Variants in DNAJC3 observed in about 807,000 individuals in gnomAD.
The protein encoded by DNAJC3 is DnaJ heat shock protein family (Hsp40) member C3.
Under a neutral mutation model 68.6 loss-of-function variants are expected in DNAJC3, and 38 were observed. The ratio of observed to expected loss-of-function variants is 0.55; its 90% CI spans 0.43 to 0.73. DNAJC3 has a LOEUF of 0.73. Ranked by LOEUF, DNAJC3 falls within the 30% of genes least tolerant of loss-of-function variation. DNAJC3 has a pLI of 0.00. For synonymous variants in DNAJC3, 203 were observed against 204.0 expected, an observed-to-expected ratio of 1.00 and a Z score of 0.04; for missense variants, 526 against 591.9, an observed-to-expected ratio of 0.89 and a Z score of 1.16.
At chr13:95,696,152 C>T (rs1421859755) in intron 1 of DNAJC3, among the ~76,000 whole-genome samples, 1 of 152,204 alleles carries the variant, frequency 6.6e-6, no homozygotes, top group African/African-American at 2.4e-5. Context: ...TGAATATCGA[C>T]CAGTACTGGA....
chr13:95,760,846 G>C (rs866571162), intron 7 of DNAJC3, 48 bp downstream of exon 7: 2 of 1,588,156 alleles, frequency 1.3e-6, no homozygotes, highest in African/African-American at 2.7e-5. Context: ...TATGTGCGGG[G>C]CTGTGGGCAC....
At chr13:95,768,932 G>A (rs1231896339) in intron 9 of DNAJC3, among the ~76,000 whole-genome samples, 1 of 152,032 alleles carries the variant, frequency 6.6e-6, no homozygotes. Flanking sequence ...CCGAGATCAC[G>A]CCATTGCATT....
At chr13:95,698,496 G>A (rs1880506915) in intron 1 of DNAJC3, among the ~76,000 whole-genome samples, 1 of 152,224 alleles carries the variant, frequency 6.6e-6, no homozygotes, top group Non-Finnish European at 1.5e-5. Flanking sequence ...GGTCTCTGCT[G>A]CATGTTAGGG....
At chr13:95,755,756 C>CAAAAAAAAAAAA (rs56659621) in intron 4 of DNAJC3, among the ~76,000 whole-genome samples, 1 of 15,082 alleles carries the variant, frequency 6.6e-5, no homozygotes, top group Non-Finnish European at 1.6e-4. Context: ...GACGCCGTCT[C>CAAAAAAAAAAAA]AAAAAAAAAA....
intron 2 of DNAJC3, among the ~76,000 whole-genome samples, chr13:95,722,887 G>T (rs1228773897): frequency 2.2e-5 from 3 of 135,840 alleles, no homozygotes; most frequent in Non-Finnish European, 4.6e-5. Flanking sequence ...TAGACCAGGG[G>T]TTTGCGAACT....
intron 9 of DNAJC3, among the ~76,000 whole-genome samples, chr13:95,784,207 T>G (rs775579660): frequency 6.6e-5 from 10 of 152,226 alleles, no homozygotes; most frequent in Non-Finnish European, 1.5e-4. Flanking sequence ...AATCTATTAT[T>G]GGAATTATCT....
intron 1 of DNAJC3, among the ~76,000 whole-genome samples, chr13:95,682,092 TA>T (rs1879929754): frequency 6.6e-6 from 1 of 152,112 alleles, no homozygotes; most frequent in South Asian, 2.1e-4. Context: ...GAGTAATTTA[TA>T]AAAAAAATTT....
chr13:95,708,360 C>G (rs1880830744), intron 1 of DNAJC3, among the ~76,000 whole-genome samples: 1 of 152,220 alleles, frequency 6.6e-6, no homozygotes. Context: ...ATTGATTCCA[C>G]AGTAGTTCCC....
In DNAJC3 at chr13:95,791,656, T is replaced by C. The variant is rs1883780227; in HGVS notation, c.*626T>C. On this transcript the variant is annotated 3_prime_UTR_variant, in exon 12 of 12. Coordinates refer to ENST00000602402, the MANE Select transcript of DNAJC3 (RefSeq NM_006260.5). The stretch of plus-strand genomic sequence containing the variant: ...ATAATAATATATCCAGGCTTAGACT[T>C]TGGATTAATGTTAAATGTACATTTT... The C allele has an allele frequency of 6.6e-6, 1 of 152,260 alleles. No individual in the cohort carries two copies. Among genetic ancestry groups the C allele is most frequent in the Non-Finnish European group, 1.5e-5 (1 of 68,140 alleles). 9.4% of individuals were successfully genotyped at this position (152,260 alleles called of 1,614,324 possible). A position where few individuals can be genotyped will look rare whatever the true frequency, so the allele number is the denominator to read the frequency against.
At chr13:95,747,790 C>T (rs768348266) in intron 4 of DNAJC3, among the ~76,000 whole-genome samples, 11 of 152,114 alleles carry the variant, frequency 7.2e-5, no homozygotes, top group African/African-American at 7.2e-5. Context: ...GTGGGGTAGA[C>T]GTTTAGGAGG....
chr13:95,706,719 G>C (rs550875646), intron 1 of DNAJC3, among the ~76,000 whole-genome samples: 6 of 152,250 alleles, frequency 3.9e-5, no homozygotes, highest in African/African-American at 1.4e-4. Context: ...CGGACTTGGG[G>C]GTTCAAGTTG....
intron 9 of DNAJC3, among the ~76,000 whole-genome samples, chr13:95,775,983 CTT>C (rs200575384): frequency 6.6e-6 from 1 of 151,692 alleles, no homozygotes; most frequent in African/African-American, 2.4e-5. Flanking sequence ...TGAAGATACT[CTT>C]TTTATATATA....
chr13:95,789,683 G>A (rs944617208), intron 11 of DNAJC3, among the ~76,000 whole-genome samples: 1 of 152,162 alleles, frequency 6.6e-6, no homozygotes, highest in African/African-American at 2.4e-5. Flanking sequence ...TAATGAGATT[G>A]CTGAGTTGAA....
intron 1 of DNAJC3, among the ~76,000 whole-genome samples, chr13:95,688,168 G>A (rs1222845260): frequency 1.3e-5 from 2 of 152,122 alleles, no homozygotes; most frequent in African/African-American, 4.8e-5. Context: ...TCAGTTCCAG[G>A]AGCCTTTTGG....
chr13:95,730,407 T>C (rs73550596), intron 4 of DNAJC3, among the ~76,000 whole-genome samples: 4,552 of 152,284 alleles, frequency 0.03, 238 homozygotes, highest in African/African-American at 0.1. Context: ...AAAGCATTTT[T>C]CCCATGTTTT....
At chr13:95,681,822 C>T (rs536438859) in intron 1 of DNAJC3, among the ~76,000 whole-genome samples, 1 of 152,374 alleles carries the variant, frequency 6.6e-6, no homozygotes, top group South Asian at 2.1e-4. Flanking sequence ...TCCCCTACCT[C>T]ATTCTTTTAG....
chr13:95,679,732 CTT>C (rs1566462801), intron 1 of DNAJC3, among the ~76,000 whole-genome samples: 1 of 152,224 alleles, frequency 6.6e-6, no homozygotes, highest in East Asian at 1.9e-4. Flanking sequence ...CTGCTTCACT[CTT>C]ATTAATCTGC....
Position 95,791,052 on chromosome 13 carries a change from C to CTTAA in DNAJC3, c.*25_*28dup, listed in dbSNP as rs1311970973. On this transcript the variant is annotated 3_prime_UTR_variant, in exon 12 of 12. Transcript: ENST00000602402. ...TTAAACCAACTGTTTTTCTGCTCTT[C>CTTAA]TTAATTTTTTTAAAGATTAAAAACA... 4 of 1,605,806 alleles carry CTTAA rather than the reference C, an allele frequency of 2.5e-6. No individual in the cohort carries two copies. Among genetic ancestry groups the CTTAA allele is most frequent in the East Asian group, 4.5e-5 (2 of 44,812 alleles).
rs762986419 is a variant in DNAJC3, at chr13:95,688,927, G to GGTTT, written c.82+11592_82+11593insTTGT. Reference sequence around the variant, plus strand: ...GAGACAAAGCCCATTTGATTGTGTGGGTGTGTGTGTGTGTGTGTGTGTGTG... The same window carrying GGTTT: ...GAGACAAAGCCCATTTGATTGTGTGGGTTTGTGTGTGTGTGTGTGTGTGTGTGTG... On this transcript the variant is annotated intron_variant, in intron 1 of 11. Transcript: ENST00000602402. Among the ~76,000 whole-genome samples, 180 of 129,750 alleles carry GGTTT rather than the reference G, an allele frequency of 1.4e-3. 1 individual carries two copies. The highest frequency in any genetic ancestry group is 5.2e-3 in the African/African-American group (168 of 32,586). 85.1% of individuals were successfully genotyped at this position (129,750 alleles called of 152,430 possible). A position where few individuals can be genotyped will look rare whatever the true frequency, so the allele number is the denominator to read the frequency against.
Sources: gnomAD v4.1 joint callset for allele counts (sites outside exome capture counted in the v4.1 genomes callset) on GRCh38, gnomAD v4.1.1 for gene constraint, MANE v1.5 for transcripts, NCBI Gene and HGNC (gene_info 2026-07-23, HGNC 2026-07-21) for gene names.